The following C5orf47 variants were observed in gnomAD, a reference collection of about 807,000 sequenced individuals.
C5orf47 encodes the protein uncharacterized protein C5orf47.
C5orf47 carries 20 observed loss-of-function variants against 20.6 expected under a neutral mutation model. That is an observed-to-expected ratio of 0.97 (90% CI 0.68 to 1.41). C5orf47 has a LOEUF of 1.41. Among genes scored for constraint, C5orf47 ranks in the 40% most tolerant of loss-of-function variants. C5orf47 has a pLI of 0.00. For missense variants in C5orf47, 262 were observed against 238.4 expected (o/e 1.10, Z -0.65); for synonymous variants, 106 against 97.3 (o/e 1.09, Z -0.53).
intron 4 of C5orf47, among the ~76,000 whole-genome samples, chr5:174,002,536 T>C (rs1453992229): frequency 6.6e-6 from 1 of 152,144 alleles, no homozygotes; most frequent in Non-Finnish European, 1.5e-5. Context: ...AGCACTCCAG[T>C]ATATTGTTTA....
Position 173,989,353 on chromosome 5 carries a change from G to A in C5orf47, c.90G>A (p.Leu30=). ...RFGSHQCSGV[L]QLGGRGAQGL... ...GCTCGCATCAGTGCAGTGGCGTCCT[G>A]CAACTGGGCGGCCGTGGAGCTCAAG... Residue 30 remains leucine (L), a synonymous_variant, in exon 1 of 5, where the codon CTG becomes CTA. Coordinates refer to ENST00000340147, the MANE Select transcript of C5orf47 (RefSeq NM_001144954.2). 1.3e-6 allele frequency: 2 copies of A among 1,505,934 alleles called. No individual in the cohort carries two copies. The highest frequency in any genetic ancestry group is 8.9e-7 in the Non-Finnish European group (1 of 1,123,474). The allele number at this position is 1,505,934 out of a possible 1,614,324, so 93.3% of individuals were successfully genotyped here.
chr5:173,989,376 A>C lies in C5orf47; in HGVS notation c.113A>C (p.Gln38Pro), dbSNP rs944311629. 2.6e-6 allele frequency: 4 copies of C among 1,531,900 alleles called. No individual in the cohort carries two copies. The African/African-American group carries it at 5.6e-5, about 21-fold the overall frequency. The allele number at this position is 1,531,900 out of a possible 1,614,324, so 94.9% of individuals were successfully genotyped here. The change falls in exon 1 of 5, where the codon CAA (glutamine) becomes CCA (proline). Residue 38 changes from glutamine (Q) to proline (P), a missense_variant. Transcript: ENST00000340147. ...CTGCAACTGGGCGGCCGTGGAGCTC[A>C]AGGCCTTTGGGGTCAGGGGCCTGGG... ...GVLQLGGRGA[Q>P]GLWGQGPGAG...
intron 1 of C5orf47, among the ~76,000 whole-genome samples, chr5:173,993,192 G>A (rs1271859864): frequency 6.6e-6 from 1 of 152,118 alleles, no homozygotes; most frequent in Non-Finnish European, 1.5e-5. Context: ...GGGCATATGG[G>A]ATCATAGAGC....
At chr5:174,002,547 C>G (rs1759217818) in intron 4 of C5orf47, among the ~76,000 whole-genome samples, 1 of 151,998 alleles carries the variant, frequency 6.6e-6, no homozygotes, top group African/African-American at 2.4e-5. Flanking sequence ...ATATTGTTTA[C>G]TAAGATTTGC....
Position 174,005,033 on chromosome 5 carries a change from T to G in C5orf47, c.*779T>G, listed in dbSNP as rs1163569220. 1.3e-5 allele frequency: 2 copies of G among 152,154 alleles called. No individual in the cohort carries two copies. The highest frequency in any genetic ancestry group is 2.9e-5 in the Non-Finnish European group (2 of 68,006). 9.4% of individuals were successfully genotyped at this position (152,154 alleles called of 1,614,324 possible). On this transcript the variant is annotated 3_prime_UTR_variant, in exon 5 of 5. Transcript: ENST00000340147. ...ATAAGTCCTTTTTTTCTACTCAACA[T>G]TAAGTAGTAATCAACTTTTACCTCC...
intron 1 of C5orf47, 120 bp downstream of exon 1, chr5:173,989,708 C>A (rs1164910021): frequency 4.2e-6 from 4 of 952,964 alleles, no homozygotes; most frequent in Admixed American, 4.2e-5. Flanking sequence ...CCTGTCAGGC[C>A]GTGTTGCGAG....
intron 1 of C5orf47, among the ~76,000 whole-genome samples, chr5:173,994,765 A>C (rs1208117264): frequency 6.6e-6 from 1 of 152,138 alleles, no homozygotes; most frequent in Non-Finnish European, 1.5e-5. Context: ...CCAAGCCAGA[A>C]AGTGCTTAAG....
At chr5:173,993,222 C>G (rs1014491523) in intron 1 of C5orf47, among the ~76,000 whole-genome samples, 1 of 152,040 alleles carries the variant, frequency 6.6e-6, no homozygotes, top group Non-Finnish European at 1.5e-5. Flanking sequence ...ATGTTTTTTT[C>G]TCATTTTACT....
intron 1 of C5orf47, among the ~76,000 whole-genome samples, chr5:173,990,782 G>A (rs549356902): frequency 7.9e-5 from 12 of 152,278 alleles, no homozygotes; most frequent in African/African-American, 2.9e-4. Context: ...ATTAATTTAC[G>A]TATGTTTCGA....
Position 173,989,430 on chromosome 5 carries a change from A to G in C5orf47, c.167A>G (p.Glu56Gly), listed in dbSNP as rs751021611. Reference protein sequence around the residue: ...GAGCRQEKPREAMAVAGVQGG... With the variant: ...GAGCRQEKPRGAMAVAGVQGG... Reference sequence around the variant, plus strand: ...GGCTGTCGCCAGGAGAAGCCGAGGGAAGCAATGGCGGTGGCGGGCGTTCAG... The same window carrying G: ...GGCTGTCGCCAGGAGAAGCCGAGGGGAGCAATGGCGGTGGCGGGCGTTCAG... Residue 56 changes from glutamate to glycine, a missense_variant, in exon 1 of 5, where the codon GAA becomes GGA. By Grantham distance (98) the Glu-to-Gly change is moderately conservative. Transcript: ENST00000340147. The G allele has an allele frequency of 2.5e-4, 394 of 1,549,224 alleles. 1 individual carries two copies. The highest frequency in any genetic ancestry group is 3.2e-4 in the Non-Finnish European group (361 of 1,145,890).
At chr5:173,990,591 A>G (rs1758976035) in intron 1 of C5orf47, among the ~76,000 whole-genome samples, 1 of 151,874 alleles carries the variant, frequency 6.6e-6, no homozygotes, top group East Asian at 1.9e-4. Flanking sequence ...CCTGCCACCA[A>G]TGCCCAGCTA....
chr5:173,989,636 G>T, intron 1 of C5orf47, 48 bp downstream of exon 1: 1 of 1,337,306 alleles, frequency 7.5e-7, no homozygotes, highest in Non-Finnish European at 9.6e-7. Context: ...GGCGGGACGG[G>T]GCGGAGCGGG....
chr5:174,008,822 C>CAAAAAA (rs57488841), downstream of C5orf47, among the ~76,000 whole-genome samples: 3 of 75,444 alleles, frequency 4.0e-5, no homozygotes, highest in African/African-American at 3.9e-5. Flanking sequence ...GACTCCATCT[C>CAAAAAA]AAAAAAAAAA....
At chr5:174,000,729 C>A (rs80320866) in intron 3 of C5orf47, among the ~76,000 whole-genome samples, 2,595 of 152,066 alleles carry the variant, frequency 0.017, 34 homozygotes, top group East Asian at 0.062. Flanking sequence ...GCAATAATGG[C>A]ATATTAGTGA....
At chr5:173,994,880 C>A (rs1227539595) in intron 1 of C5orf47, among the ~76,000 whole-genome samples, 1 of 151,380 alleles carries the variant, frequency 6.6e-6, no homozygotes, top group Non-Finnish European at 1.5e-5. Flanking sequence ...GTGGTGTGAT[C>A]TCGGCTCACT....
chr5:173,989,541 T>C lies in C5orf47; in HGVS notation c.278T>C (p.Leu93Pro). The change falls in exon 1 of 5, where the codon CTG (leucine) becomes CCG (proline). Residue 93 changes from leucine (L) to proline (P), a missense_variant. By Grantham distance (98) the Leu-to-Pro change is moderately conservative (BLOSUM62 -3). Coordinates refer to ENST00000340147, the MANE Select transcript of C5orf47 (RefSeq NM_001144954.2). ...GCTGCGGCCTCTGCCTCCTCCCAGC[T>C]GCGGGCATCGAGAGTTCAGAGCGGC... ...VEAAASASSQ[L>P]RASRVQSGTR... The C allele has an allele frequency of 1.3e-6, 2 of 1,520,540 alleles. No individual in the cohort carries two copies. Among genetic ancestry groups the C allele is most frequent in the Non-Finnish European group, 1.8e-6 (2 of 1,133,914 alleles). 94.2% of individuals were successfully genotyped at this position (1,520,540 alleles called of 1,614,324 possible).
At position 174,005,987 on chromosome 5, in the gene C5orf47, A is replaced by T. The variant is rs529074977; in HGVS notation, c.*1733A>T. 1.3e-5 allele frequency: 2 copies of T among 152,436 alleles called. No individual in the cohort carries two copies. The highest frequency in any genetic ancestry group is 4.8e-5 in the African/African-American group (2 of 41,586). The allele number at this position is 152,436 out of a possible 1,614,324, so 9.4% of individuals were successfully genotyped here. The stretch of plus-strand genomic sequence containing the variant: ...AATAATTTCTGGTGAATATGTGTTC[A>T]ATCTGTTATGTTAAATAGAATATAA... On this transcript the variant is annotated 3_prime_UTR_variant, in exon 5 of 5. Transcript: ENST00000340147.
intron 1 of C5orf47, among the ~76,000 whole-genome samples, chr5:173,996,533 G>T (rs1456013861): frequency 2.6e-5 from 4 of 151,978 alleles, no homozygotes; most frequent in Non-Finnish European, 5.9e-5. Flanking sequence ...GCATTTAGAG[G>T]GAAGGATAAA....
chr5:173,990,125 AT>A (rs11292600), intron 1 of C5orf47, among the ~76,000 whole-genome samples: 18,183 of 138,058 alleles, frequency 0.13, 1,124 homozygotes, highest in African/African-American at 0.21. Flanking sequence ...TAGGAAGCCA[AT>A]TTTTTTTTTT....
Sources: gnomAD v4.1 joint callset for allele counts (sites outside exome capture counted in the v4.1 genomes callset) on GRCh38, gnomAD v4.1.1 for gene constraint, MANE v1.5 for transcripts, NCBI Gene and HGNC (gene_info 2026-07-23, HGNC 2026-07-21) for gene names.